The following NCKAP5 variants were observed in gnomAD, a reference collection of about 807,000 sequenced individuals.
The protein encoded by NCKAP5 is nck-associated protein 5.
Under a neutral mutation model 167.0 loss-of-function variants are expected in NCKAP5, and 92 were observed. The ratio of observed to expected loss-of-function variants is 0.55; its 90% CI spans 0.47 to 0.66. NCKAP5 has a LOEUF of 0.66. NCKAP5 is among the 30% of genes least tolerant of loss of function. The pLI is 0.00. For synonymous variants in NCKAP5, 891 were observed against 877.4 expected, an observed-to-expected ratio of 1.02 and a Z score of -0.27; for missense variants, 2,378 against 2,315.0, an observed-to-expected ratio of 1.03 and a Z score of -0.56.
chr2:132,737,288 C>G (rs897013236), intron 16 of NCKAP5, among the ~76,000 whole-genome samples: 1 of 152,144 alleles, frequency 6.6e-6, no homozygotes, highest in Non-Finnish European at 1.5e-5. Flanking sequence ...TTTACTGACA[C>G]CTTGAATACA....
chr2:133,331,165 G>C (rs1338504130), intron 3 of NCKAP5, among the ~76,000 whole-genome samples: 1 of 152,136 alleles, frequency 6.6e-6, no homozygotes, highest in Non-Finnish European at 1.5e-5. Flanking sequence ...TAGTATTCTT[G>C]TGCTGTGCTG....
intron 5 of NCKAP5, among the ~76,000 whole-genome samples, chr2:133,156,094 A>G (rs1000524533): frequency 1.3e-5 from 2 of 152,208 alleles, no homozygotes; most frequent in African/African-American, 4.8e-5. Context: ...ACACCTTTGC[A>G]AACAGTCCTT....
intron 3 of NCKAP5, among the ~76,000 whole-genome samples, chr2:133,370,174 C>G (rs191888142): frequency 9.9e-5 from 15 of 152,252 alleles, no homozygotes; most frequent in Admixed American, 5.9e-4. Context: ...AGCCATTTAG[C>G]ATTTGTAAAG....
intron 3 of NCKAP5, among the ~76,000 whole-genome samples, chr2:133,423,368 C>A (rs1689600659): frequency 6.6e-6 from 1 of 152,136 alleles, no homozygotes; most frequent in South Asian, 2.1e-4. Flanking sequence ...TTGATTTCAG[C>A]CCATTAATAC....
chr2:132,860,555 C>A lies in NCKAP5; in HGVS notation c.744G>T (p.Gln248His). ...LKTRVFDLEQQNRTLSILFQQ... is the reference protein window; with the variant it reads ...LKTRVFDLEQHNRTLSILFQQ... ...GGAATAGGATGCTTAGTGTTCGATT[C>A]TGCTGTTCCAAATCAAACACTCTTG... The change falls in exon 11 of 20, where the codon CAG (glutamine) becomes CAT (histidine). Residue 248 changes from glutamine to histidine, a missense_variant. Coordinates refer to ENST00000409261, the MANE Select transcript of NCKAP5 (RefSeq NM_207363.3). The A allele has an allele frequency of 1.3e-6, 2 of 1,588,618 alleles. No individual in the cohort carries two copies. The highest frequency in any genetic ancestry group is 2.3e-5 in the East Asian group (1 of 44,182).
At chr2:133,415,993 G>C (rs1479320394) in intron 3 of NCKAP5, among the ~76,000 whole-genome samples, 1 of 152,178 alleles carries the variant, frequency 6.6e-6, no homozygotes, top group Non-Finnish European at 1.5e-5. Context: ...AAGTGTGTTA[G>C]ACCAGTAGTC....
chr2:133,229,554 G>T (rs147407460), intron 4 of NCKAP5, among the ~76,000 whole-genome samples: 1 of 152,122 alleles, frequency 6.6e-6, no homozygotes, highest in African/African-American at 2.4e-5. Flanking sequence ...AGTACTTTAC[G>T]TTAGTTATTA....
rs192559622 is a variant in NCKAP5, at chr2:132,766,702, G to A, written c.5128+7114C>T. ...TAGAAGTGAAGCACTTGATTCAAGA[G>A]CCTTTGAGATCTTCCCCTCTTTCCT... On this transcript the variant is annotated intron_variant, in intron 16 of 19. Transcript: ENST00000409261. Among the ~76,000 whole-genome samples the A allele has an allele frequency of 1.2e-3, 189 of 152,246 alleles. 1 individual carries two copies. The highest frequency in any genetic ancestry group is 4.4e-3 in the African/African-American group (181 of 41,542).
At chr2:133,590,883 A>G in the NCKAP5 span, among the ~76,000 whole-genome samples, 2 of 132,226 alleles carry the variant, frequency 1.5e-5, no homozygotes, top group African/African-American at 3.1e-5. Flanking sequence ...TGTGATGGTG[A>G]GAGTATGCTG....
At chr2:133,034,514 T>C (rs932105390) in intron 6 of NCKAP5, among the ~76,000 whole-genome samples, 11 of 151,448 alleles carry the variant, frequency 7.3e-5, no homozygotes, top group Admixed American at 2.0e-4. Flanking sequence ...TCTTATTGTA[T>C]GTAGAAAGAC....
At chr2:133,109,042 A>T (rs1560887) in intron 6 of NCKAP5, among the ~76,000 whole-genome samples, 26,673 of 152,118 alleles carry the variant, frequency 0.18, 2,757 homozygotes, top group East Asian at 0.51. Flanking sequence ...CTTGTTAAGG[A>T]CTAACCATTC....
At chr2:133,671,731 T>C in the NCKAP5 span, among the ~76,000 whole-genome samples, 1 of 147,380 alleles carries the variant, frequency 6.8e-6, no homozygotes, top group African/African-American at 2.4e-5. Flanking sequence ...TCAGGTATTC[T>C]GGTATACACA....
At chr2:133,178,504 C>CAAAAAAAAAAAAA (rs869253241) in intron 5 of NCKAP5, among the ~76,000 whole-genome samples, 1 of 23,950 alleles carries the variant, frequency 4.2e-5, no homozygotes, top group African/African-American at 2.7e-4. Context: ...GACCCTGTCT[C>CAAAAAAAAAAAAA]AAAAAAAAAA....
chr2:133,629,229 G>A, the NCKAP5 span, among the ~76,000 whole-genome samples: 15,058 of 152,100 alleles, frequency 0.099, 870 homozygotes, highest in African/African-American at 0.14. Context: ...AATTTTTGCA[G>A]TCTATCCATC....
At chr2:133,109,700 G>A (rs1559147768) in intron 6 of NCKAP5, among the ~76,000 whole-genome samples, 1 of 151,718 alleles carries the variant, frequency 6.6e-6, no homozygotes, top group Non-Finnish European at 1.5e-5. Context: ...AAATGATTAA[G>A]AGGATTAAAA....
At chr2:132,780,363 G>A (rs1285792964) in intron 15 of NCKAP5, among the ~76,000 whole-genome samples, 2 of 152,072 alleles carry the variant, frequency 1.3e-5, no homozygotes, top group Non-Finnish European at 2.9e-5. Context: ...TGTTAGCCAG[G>A]ATGGTCTCGA....
At chr2:133,258,702 T>C (rs1243890836) in intron 4 of NCKAP5, among the ~76,000 whole-genome samples, 1 of 151,426 alleles carries the variant, frequency 6.6e-6, no homozygotes, top group Non-Finnish European at 1.5e-5. Flanking sequence ...GCCGAGATTG[T>C]GCCACTGCAT....
At chr2:133,247,578 C>A (rs1417181406) in intron 4 of NCKAP5, among the ~76,000 whole-genome samples, 1 of 152,172 alleles carries the variant, frequency 6.6e-6, no homozygotes, top group East Asian at 1.9e-4. Flanking sequence ...CAATCAGCCA[C>A]ACAAAGTATT....
intron 4 of NCKAP5, among the ~76,000 whole-genome samples, chr2:133,236,968 A>G (rs191597731): frequency 4.6e-4 from 70 of 152,266 alleles, no homozygotes; most frequent in African/African-American, 1.3e-3. Flanking sequence ...TAACGGGTGC[A>G]GCACACCAAC....
Sources: gnomAD v4.1 joint callset for allele counts (sites outside exome capture counted in the v4.1 genomes callset) on GRCh38, gnomAD v4.1.1 for gene constraint, MANE v1.5 for transcripts, NCBI Gene and HGNC (gene_info 2026-07-23, HGNC 2026-07-21) for gene names.